Variants in GRHL3 observed in about 807,000 individuals in gnomAD.
GRHL3 encodes the protein grainyhead like transcription factor 3, also known as grainyhead-like protein 3 homolog.
Under a neutral mutation model 70.3 loss-of-function variants are expected in GRHL3, and 20 were observed. The ratio of observed to expected loss-of-function variants is 0.28; its 90% CI spans 0.20 to 0.41. The LOEUF is 0.41. GRHL3 is among the 10% of genes least tolerant of loss of function. The probability of loss-of-function intolerance (pLI) is 1.00; values close to 1 mark genes in which losing one functional copy is unlikely to be tolerated. For missense variants in GRHL3, 637 were observed against 762.3 expected, an observed-to-expected ratio of 0.84 and a Z score of 1.94; for synonymous variants, 299 against 299.9, an observed-to-expected ratio of 1.00 and a Z score of 0.03.
At position 24,354,851 on chromosome 1, in the gene GRHL3, C is replaced by T. The variant is rs549182230; in HGVS notation, c.*363C>T. 2.9e-5 allele frequency: 5 copies of T among 170,506 alleles called. No individual in the cohort carries two copies. In the South Asian group the frequency reaches 6.4e-4, roughly 22 times the overall value. 10.6% of individuals were successfully genotyped at this position (170,506 alleles called of 1,614,324 possible). A position where few individuals can be genotyped will look rare whatever the true frequency, so the allele number is the denominator to read the frequency against. On this transcript the variant is annotated 3_prime_UTR_variant, in exon 16 of 16. Transcript: ENST00000361548. ...CGTTAAGATGGTGGCGGCACACGCT[C>T]CCTCCCGCAGCACCACGCCAGCTGG... is the stretch of plus-strand genomic sequence containing the variant.
intron 1 of GRHL3, among the ~76,000 whole-genome samples, chr1:24,326,852 A>T (rs1285943043): frequency 6.6e-6 from 1 of 152,182 alleles, no homozygotes; most frequent in Non-Finnish European, 1.5e-5. Context: ...GTCACCTAAC[A>T]TCTCTATTGT....
chr1:24,357,923 C>T (rs374905236), downstream of GRHL3: 3 of 325,878 alleles, frequency 9.2e-6, no homozygotes, highest in Non-Finnish European at 1.8e-5. Context: ...TCTCCCACTC[C>T]AAAGAGAAAA....
At position 24,336,654 on chromosome 1, in the gene GRHL3, C is replaced by T. The variant is rs778111145; in HGVS notation, c.439C>T (p.Pro147Ser). Residue 147 changes from proline to serine, a missense_variant, in exon 4 of 16, where the codon CCC becomes TCC. Around this residue, in one of 2 missense-constraint regions of GRHL3, gnomAD observed 250 missense variants for 248.6 expected, o/e 1.01. Coordinates refer to ENST00000361548, the MANE Select transcript of GRHL3 (RefSeq NM_198173.3). ...CTTGCCCACCCCTGGCAAGGCAGCTCCCCTCCCTGCAGGCCCCAGCAAGCT... is the reference window on the plus strand; with the variant it reads ...CTTGCCCACCCCTGGCAAGGCAGCTTCCCTCCCTGCAGGCCCCAGCAAGCT... ...GALPTPGKAA[P>S]LPAGPSKLEA... is the part of the protein sequence containing the mutation. 5 of 1,614,106 alleles carry T rather than the reference C, an allele frequency of 3.1e-6. No homozygotes were observed. The Admixed American group carries it at 6.7e-5, about 22-fold the overall frequency.
downstream of GRHL3, among the ~76,000 whole-genome samples, chr1:24,355,817 A>G (rs1002781389): frequency 6.6e-6 from 1 of 152,206 alleles, no homozygotes; most frequent in Admixed American, 6.5e-5. Flanking sequence ...ACAGTCAGAA[A>G]TTGACAAATG....
chr1:24,344,417 G>T lies in GRHL3; in HGVS notation c.1420-480G>T, dbSNP rs557874279. On this transcript the variant is annotated intron_variant, in intron 11 of 15. Coordinates refer to ENST00000361548, the MANE Select transcript of GRHL3 (RefSeq NM_198173.3). ...GAGGCCGCAGGATTGCTTCAGCCCA[G>T]GAGGTCGAGGCTGCAGTGAGCTGTG... is the stretch of plus-strand genomic sequence containing the variant. Among the ~76,000 whole-genome samples, 5 of 147,568 alleles carry T rather than the reference G, an allele frequency of 3.4e-5. No individual in the cohort carries two copies. The East Asian group carries it at 1.0e-3, about 30-fold the overall frequency.
downstream of GRHL3, among the ~76,000 whole-genome samples, chr1:24,360,215 C>T (rs915288419): frequency 5.9e-5 from 9 of 152,162 alleles, no homozygotes; most frequent in African/African-American, 7.2e-5. Flanking sequence ...GAGGCCAAGA[C>T]GGGCAGACCA....
chr1:24,346,855 C>T (rs1052697715), intron 13 of GRHL3, among the ~76,000 whole-genome samples: 2 of 152,204 alleles, frequency 1.3e-5, no homozygotes, highest in Non-Finnish European at 1.5e-5. Flanking sequence ...CTCCTGACCT[C>T]GTGTGGACGT....
chr1:24,320,044 A>G (rs1456456489), intron 1 of GRHL3: 1 of 190,546 alleles, frequency 5.2e-6, no homozygotes. Flanking sequence ...TGTGGTGGTT[A>G]AGCATGTGTA....
At chr1:24,323,675 A>G (rs1001582213) in intron 1 of GRHL3, among the ~76,000 whole-genome samples, 2 of 152,210 alleles carry the variant, frequency 1.3e-5, no homozygotes, top group African/African-American at 4.8e-5. Flanking sequence ...GCCTGACTCT[A>G]TGAAATAATT....
At chr1:24,354,318 A>C (rs2148669116) in intron 15 of GRHL3, 56 bp from the exon 16 acceptor site, 1 of 1,219,528 alleles carries the variant, frequency 8.2e-7, no homozygotes, top group South Asian at 1.2e-5. Flanking sequence ...GTCACTCAGA[A>C]GGCCTGAAAA....
intron 1 of GRHL3, among the ~76,000 whole-genome samples, chr1:24,330,300 C>T (rs769225101): frequency 1.1e-4 from 17 of 152,168 alleles, no homozygotes; most frequent in African/African-American, 3.6e-4. Flanking sequence ...GCTGTGAAAG[C>T]GATCTATGTT....
Position 24,322,315 on chromosome 1 carries a change from C to T in GRHL3, c.17+2747C>T, listed in dbSNP as rs1040674444. On this transcript the variant is annotated intron_variant, in intron 1 of 15. Transcript: ENST00000361548. This position sits in a 1 kb window ranked among gnomAD's most constrained non-coding sequence, Gnocchi z 4.4. ...GGAAGGGGACTAGAACCGTCGCAGTCCTGACCGCGGCCGCCGCCGCCGTTC... is the reference window on the plus strand; with the variant it reads ...GGAAGGGGACTAGAACCGTCGCAGTTCTGACCGCGGCCGCCGCCGCCGTTC... Among the ~76,000 whole-genome samples, 56 of 152,238 alleles carry T rather than the reference C, an allele frequency of 3.7e-4. No homozygotes were observed. The highest frequency in any genetic ancestry group is 1.3e-3 in the African/African-American group (54 of 41,556).
chr1:24,347,681 C>T (rs1443720533), intron 14 of GRHL3, 128 bp downstream of exon 14: 7 of 742,660 alleles, frequency 9.4e-6, no homozygotes, highest in Non-Finnish European at 1.6e-5. Flanking sequence ...CCCGTCCCAC[C>T]CTGTCCAGGG....
chr1:24,347,408 C>G (rs1314212380), intron 13 of GRHL3, 60 bp from the exon 14 acceptor site: 17 of 1,381,474 alleles, frequency 1.2e-5, no homozygotes, highest in Non-Finnish European at 1.8e-5. Context: ...ATTCCCCAGC[C>G]CCTGAGATGA....
chr1:24,339,809 G>T, intron 8 of GRHL3, 47 bp downstream of exon 8: 1 of 1,302,496 alleles, frequency 7.7e-7, no homozygotes, highest in Non-Finnish European at 1.1e-6. Context: ...CTGCCTGGAA[G>T]TCCCTATTCT....
Position 24,334,840 on chromosome 1 carries a change from T to G in GRHL3, c.266+134T>G, listed in dbSNP as rs985305695. The stretch of plus-strand genomic sequence containing the variant: ...GGCCCACAACACATTTTGGGATTCA[T>G]GATAATGTTTTCATTTATTTTAAAA... On this transcript the variant is annotated intron_variant, in intron 3 of 15. Transcript: ENST00000361548. The surrounding 1 kb of genome is among the most constrained non-coding windows in gnomAD (Gnocchi z 4.3). 15 of 504,934 alleles carry G rather than the reference T, an allele frequency of 3.0e-5. No homozygotes were observed. The highest frequency in any genetic ancestry group is 9.7e-5 in the East Asian group (3 of 30,878). 31.3% of individuals were successfully genotyped at this position (504,934 alleles called of 1,614,324 possible).
At position 24,345,536 on chromosome 1, in the gene GRHL3, CCGCTTGTAA is replaced by C. The variant is rs765091857; in HGVS notation, c.1454+606_1454+614del. On this transcript the variant is annotated intron_variant, in intron 12 of 15. Coordinates refer to ENST00000361548, the MANE Select transcript of GRHL3 (RefSeq NM_198173.3). ...AGTCGGCGAATCTCTGGCGAGACAC[CCGCTTGTAA>C]AAAGGGAAAGGAAAAGAGTCTGTGG... Among the ~76,000 whole-genome samples, 97 of 151,408 alleles carry C rather than the reference CCGCTTGTAA, an allele frequency of 6.4e-4. 2 individuals carry two copies. The East Asian group carries it at 0.017, about 26-fold the overall frequency.
At chr1:24,332,312 T>G (rs558616388) in intron 2 of GRHL3, among the ~76,000 whole-genome samples, 45 of 152,296 alleles carry the variant, frequency 3.0e-4, no homozygotes, top group African/African-American at 8.9e-4. Flanking sequence ...CCATTATGTC[T>G]TTTACTGTTC....
chr1:24,347,123 G>A (rs911018742), intron 13 of GRHL3, among the ~76,000 whole-genome samples: 6 of 152,298 alleles, frequency 3.9e-5, no homozygotes, highest in African/African-American at 9.6e-5. Flanking sequence ...GCTTTGCGTG[G>A]CACCTCGTGT....
Sources: allele counts gnomAD v4.1 joint callset (sites outside exome capture counted in the v4.1 genomes callset), GRCh38; gene constraint gnomAD v4.1.1; regional missense constraint gnomAD v4.1.1; non-coding constraint Gnocchi (gnomAD v3.1); transcripts MANE v1.5; gene names NCBI Gene and HGNC (gene_info 2026-07-23, HGNC 2026-07-21).